ANKRD36C: variants seen among roughly 807,000 people sequenced by gnomAD.
The protein encoded by ANKRD36C is ankyrin repeat domain 36C, also known as ankyrin repeat domain-containing protein 36C.
A neutral mutation model predicts 276.4 loss-of-function variants in ANKRD36C; 61 were observed. The observed-to-expected ratio is 0.22, with a 90% confidence interval of 0.18 to 0.27. ANKRD36C has a LOEUF of 0.27. Among genes scored for constraint, ANKRD36C ranks in the 10% least tolerant of loss-of-function variants. The pLI is 1.00. For missense variants in ANKRD36C, 1,447 were observed against 2,032.3 expected (o/e 0.71, Z 5.54); for synonymous variants, 483 against 680.1 (o/e 0.71, Z 4.51).
intron 14 of ANKRD36C, among the ~76,000 whole-genome samples, chr2:95,952,219 A>G (rs1186389285): frequency 9.4e-5 from 13 of 137,790 alleles, no homozygotes; most frequent in South Asian, 7.2e-4. Context: ...CTTAAAAGAA[A>G]AGCTTGTGTT....
intron 63 of ANKRD36C, 129 bp downstream of exon 83, chr2:95,855,137 T>TA: frequency 3.0e-6 from 4 of 1,326,780 alleles, no homozygotes; most frequent in Non-Finnish European, 2.0e-6. Context: ...GGAATGTTTC[T>TA]AAGCAGATAT....
intron 14 of ANKRD36C, 98 bp from the exon 15 acceptor site, chr2:95,951,506 A>G (rs1305122243): frequency 7.5e-6 from 7 of 927,878 alleles, no homozygotes; most frequent in Non-Finnish European, 1.1e-5. Flanking sequence ...AAAAGTATGG[A>G]CATTGAAATC....
intron 44 of ANKRD36C, 132 bp from the exon 63 acceptor site, chr2:95,893,856 T>G: frequency 6.7e-7 from 1 of 1,488,866 alleles, no homozygotes. Context: ...TTCTACTTTG[T>G]GTCTGGGGAC....
At chr2:95,937,969 G>T (rs1387663620) in intron 22 of ANKRD36C, among the ~76,000 whole-genome samples, 1 of 143,772 alleles carries the variant, frequency 7.0e-6, no homozygotes, top group Admixed American at 6.9e-5. Flanking sequence ...AATCAAATAT[G>T]TGGTGCAGTC....
intron 60 of ANKRD36C, among the ~76,000 whole-genome samples, chr2:95,860,337 CAT>C (rs1334371345): frequency 6.8e-6 from 1 of 146,482 alleles, no homozygotes; most frequent in Non-Finnish European, 1.5e-5. Flanking sequence ...AAAAAAAAAA[CAT>C]AGTTATGTGA....
chr2:95,972,900 CA>C (rs1444101674), intron 6 of ANKRD36C, among the ~76,000 whole-genome samples: 1 of 152,018 alleles, frequency 6.6e-6, no homozygotes, highest in Non-Finnish European at 1.5e-5. Context: ...AGAAGAGAAA[CA>C]AAAAGATCAC....
At position 95,962,562 on chromosome 2, in the gene ANKRD36C, G is replaced by A; in HGVS notation, c.800-15C>T. The A allele has an allele frequency of 6.3e-7, 1 of 1,599,356 alleles. No individual in the cohort carries two copies. Among genetic ancestry groups the A allele is most frequent in the Middle Eastern group, 1.8e-4 (1 of 5,660 alleles). On this transcript the variant is annotated splice_polypyrimidine_tract_variant and intron_variant, in intron 6 of 66. Coordinates refer to ENST00000456556, the Ensembl canonical transcript of ANKRD36C. ...CTGAGAAGACACTGAAAAGCAAAAG[G>A]GATACATCATCAATCATAGGTAAAT...
At chr2:95,960,504 T>C (rs1183116891) in exon 10 of ANKRD36C, 5 of 1,535,708 alleles carry the variant, frequency 3.3e-6, no homozygotes. Context: ...CTTTTATTTC[T>C]GTGGCTGTGT....
exon 64 of ANKRD36C, chr2:95,853,795 A>C (rs777112357): frequency 1.9e-6 from 3 of 1,607,322 alleles, no homozygotes; most frequent in Non-Finnish European, 2.5e-6. Context: ...GCATCCAGCA[A>C]AGCTTTTGTT....
intron 54 of ANKRD36C, among the ~76,000 whole-genome samples, chr2:95,883,275 A>G (rs575247721): frequency 3.2e-4 from 48 of 152,254 alleles, no homozygotes; most frequent in African/African-American, 1.1e-3. Context: ...TTACATTTGG[A>G]AATTACTCCA....
intron 63 of ANKRD36C, 101 bp downstream of exon 83, chr2:95,855,165 T>C: frequency 7.0e-7 from 1 of 1,428,890 alleles, no homozygotes; most frequent in Non-Finnish European, 9.3e-7. Flanking sequence ...ATATGTATCC[T>C]TTTTTATATT....
chr2:95,965,400 C>T lies in ANKRD36C; in HGVS notation c.800-2853G>A, dbSNP rs550391706. 2.0e-5 allele frequency among the ~76,000 whole-genome samples: 3 copies of T among 152,132 alleles called. No homozygotes were observed. In the South Asian group the frequency reaches 6.2e-4, roughly 32 times the overall value. ...GAGTTTAACATTCATGAGGGGGAGC[C>T]AAGAGGACAAGTAACACTTTGACCA... is the stretch of plus-strand genomic sequence containing the variant. On this transcript the variant is annotated intron_variant, in intron 6 of 66. Coordinates refer to ENST00000456556, the Ensembl canonical transcript of ANKRD36C.
intron 61 of ANKRD36C, among the ~76,000 whole-genome samples, chr2:95,859,300 G>A (rs1452788670): frequency 2.6e-5 from 4 of 151,968 alleles, no homozygotes; most frequent in Admixed American, 2.6e-4. Flanking sequence ...CCAAAGTGCT[G>A]GGATTACAGT....
intron 19 of ANKRD36C, among the ~76,000 whole-genome samples, chr2:95,943,864 T>A (rs201036853): frequency 6.6e-6 from 1 of 151,176 alleles, no homozygotes; most frequent in Non-Finnish European, 1.5e-5. Context: ...TAAATAGATG[T>A]ATATATTTTC....
chr2:95,855,871 T>C, exon 63 of ANKRD36C: 1 of 1,613,906 alleles, frequency 6.2e-7, no homozygotes, highest in Non-Finnish European at 8.5e-7. Context: ...TATGATTGCA[T>C]TTCTGTTTCC....
intron 34 of ANKRD36C, among the ~76,000 whole-genome samples, chr2:95,920,317 A>G (rs1677228925): frequency 7.5e-6 from 1 of 132,478 alleles, no homozygotes; most frequent in South Asian, 2.3e-4. Flanking sequence ...AAAAGAATTT[A>G]CATCATTATA....
At position 95,986,933 on chromosome 2, in the gene ANKRD36C, A is replaced by G; in HGVS notation, c.313-9T>C. On this transcript the variant is annotated splice_polypyrimidine_tract_variant and intron_variant, in intron 2 of 66. Transcript: ENST00000456556. ...TGCCTCAGTTGTACAGCCTGTCAGT[A>G]TTAGACCGAGAAACATGCAAATATT... is the stretch of plus-strand genomic sequence containing the variant. 2 of 1,613,024 alleles carry G rather than the reference A, an allele frequency of 1.2e-6. No homozygotes were observed. Among genetic ancestry groups the G allele is most frequent in the Non-Finnish European group, 1.7e-6 (2 of 1,179,660 alleles).
At chr2:95,991,176 C>T (rs1679130632) in intron 1 of ANKRD36C, among the ~76,000 whole-genome samples, 1 of 133,262 alleles carries the variant, frequency 7.5e-6, no homozygotes, top group Admixed American at 7.5e-5. Context: ...CCCCCACCTC[C>T]AGTCCTCTAT....
intron 6 of ANKRD36C, among the ~76,000 whole-genome samples, chr2:95,968,228 T>C (rs981920975): frequency 2.6e-5 from 4 of 152,218 alleles, no homozygotes; most frequent in Non-Finnish European, 5.9e-5. Flanking sequence ...TTGGAGGCTA[T>C]ACTAAAATTA....
Sources: gnomAD v4.1 joint callset for allele counts (sites outside exome capture counted in the v4.1 genomes callset) on GRCh38, gnomAD v4.1.1 for gene constraint, MANE v1.5 for transcripts, NCBI Gene and HGNC (gene_info 2026-07-23, HGNC 2026-07-21) for gene names.